The following CTNNBL1 variants were observed in gnomAD, a reference collection of about 807,000 sequenced individuals.
The protein encoded by CTNNBL1 is catenin beta like 1.
CTNNBL1 carries 31 observed loss-of-function variants against 72.7 expected under a neutral mutation model. The observed-to-expected ratio is 0.43, with a 90% CI of 0.32 to 0.58. The LOEUF (loss-of-function observed/expected upper bound fraction) is 0.58, where lower values mean the gene tolerates loss of function less well. CTNNBL1 is among the 20% of genes least tolerant of loss of function. CTNNBL1 has a pLI of 0.08. For missense variants in CTNNBL1, 534 were observed against 725.1 expected (o/e 0.74, Z 3.03); for synonymous variants, 240 against 267.3 (o/e 0.90, Z 1.00).
intron 10 of CTNNBL1, among the ~76,000 whole-genome samples, chr20:37,794,098 TA>T (rs2073748989): frequency 6.6e-6 from 1 of 152,220 alleles, no homozygotes; most frequent in African/African-American, 2.4e-5. Context: ...GTTATCTTTT[TA>T]AAAGAGATTT....
rs549458864 is a variant in CTNNBL1 at position 37,739,321 on chromosome 20, G to A, written c.326+1837G>A. 6.4e-4 allele frequency among the ~76,000 whole-genome samples: 97 copies of A among 151,892 alleles called. 2 individuals carry two copies. Among genetic ancestry groups the A allele is most frequent in the Admixed American group, 6.3e-3 (96 of 15,256 alleles). ...CATATTCTGCACCTTGATTTTTTGG[G>A]TCATCTAACAGATCTGTCCAGGTGG... On this transcript the variant is annotated intron_variant, in intron 3 of 15. Transcript: ENST00000361383.
chr20:37,793,450 C>G (rs752368319), intron 10 of CTNNBL1, among the ~76,000 whole-genome samples: 1 of 152,216 alleles, frequency 6.6e-6, no homozygotes, highest in Non-Finnish European at 1.5e-5. Context: ...CTACAACTTT[C>G]TCTTAATTAG....
chr20:37,730,370 CAT>C (rs2073118829), intron 1 of CTNNBL1, among the ~76,000 whole-genome samples: 1 of 152,164 alleles, frequency 6.6e-6, no homozygotes, highest in South Asian at 2.1e-4. Context: ...AAGACAGAAT[CAT>C]GTGGATTACC....
chr20:37,791,154 T>C (rs748855592), intron 10 of CTNNBL1, among the ~76,000 whole-genome samples: 2 of 152,228 alleles, frequency 1.3e-5, no homozygotes, highest in Non-Finnish European at 2.9e-5. Context: ...GTTTATTCAC[T>C]TGTTGAAGGA....
intron 13 of CTNNBL1, among the ~76,000 whole-genome samples, chr20:37,856,179 G>T (rs191450117): frequency 2.2e-5 from 3 of 136,334 alleles, no homozygotes; most frequent in African/African-American, 8.3e-5. Flanking sequence ...CAGCCTGGGT[G>T]ACAAGAGCAA....
In CTNNBL1 at chr20:37,868,280, G is replaced by T. The variant is rs189376542; in HGVS notation, c.1604-3645G>T. Among the ~76,000 whole-genome samples, 368 of 103,072 alleles carry T rather than the reference G, an allele frequency of 3.6e-3. 3 individuals are homozygous for T. Among genetic ancestry groups the T allele is most frequent in the African/African-American group, 0.013 (350 of 27,712 alleles). 67.6% of individuals were successfully genotyped at this position (103,072 alleles called of 152,430 possible). A position where few individuals can be genotyped will look rare whatever the true frequency, so the allele number is the denominator to read the frequency against. On this transcript the variant is annotated intron_variant, in intron 15 of 15. Coordinates refer to ENST00000361383, the MANE Select transcript of CTNNBL1 (RefSeq NM_030877.5). ...TGTGAGGACCGGCCCCCTCCCAGTGGTTTTTTAGGGGCCTTTTTTTTTTTT... is the reference window on the plus strand; with the variant it reads ...TGTGAGGACCGGCCCCCTCCCAGTGTTTTTTTAGGGGCCTTTTTTTTTTTT...
At chr20:37,793,131 G>A (rs534227797) in intron 10 of CTNNBL1, among the ~76,000 whole-genome samples, 2 of 152,312 alleles carry the variant, frequency 1.3e-5, no homozygotes, top group South Asian at 4.1e-4. Context: ...CTTTATAAAT[G>A]TCAAATAGGT....
intron 7 of CTNNBL1, among the ~76,000 whole-genome samples, chr20:37,772,192 A>G (rs2073531152): frequency 6.6e-6 from 1 of 152,150 alleles, no homozygotes; most frequent in South Asian, 2.1e-4. Flanking sequence ...TGTCTCTGTC[A>G]TATCTGTACC....
At chr20:37,811,285 C>G (rs2072010420) in intron 11 of CTNNBL1, among the ~76,000 whole-genome samples, 1 of 152,148 alleles carries the variant, frequency 6.6e-6, no homozygotes, top group African/African-American at 2.4e-5. Context: ...CCCCTGTGCC[C>G]ATATTTGTAT....
chr20:37,829,891 G>A (rs781367614), intron 11 of CTNNBL1, among the ~76,000 whole-genome samples: 5 of 152,192 alleles, frequency 3.3e-5, no homozygotes, highest in Non-Finnish European at 5.9e-5. Context: ...GAGTGCAGTA[G>A]TGCGATCATG....
At chr20:37,778,715 G>A (rs981451516) in intron 9 of CTNNBL1, among the ~76,000 whole-genome samples, 64 of 152,174 alleles carry the variant, frequency 4.2e-4, no homozygotes, top group African/African-American at 1.4e-3. Flanking sequence ...CTGGATTGTG[G>A]TTGCTTTTAG....
At chr20:37,835,711 C>G (rs1348064536) in intron 11 of CTNNBL1, among the ~76,000 whole-genome samples, 1 of 152,174 alleles carries the variant, frequency 6.6e-6, no homozygotes, top group Non-Finnish European at 1.5e-5. Context: ...TGCAGCATTG[C>G]TTCTAATAGC....
At chr20:37,744,936 A>G (rs2073249453) in intron 3 of CTNNBL1, among the ~76,000 whole-genome samples, 1 of 152,204 alleles carries the variant, frequency 6.6e-6, no homozygotes, top group Non-Finnish European at 1.5e-5. Flanking sequence ...TCTTTGCCTT[A>G]TATCATACAC....
intron 15 of CTNNBL1, among the ~76,000 whole-genome samples, chr20:37,870,035 C>T (rs2072569661): frequency 6.6e-6 from 1 of 151,344 alleles, no homozygotes; most frequent in Admixed American, 6.6e-5. Context: ...AACAGGGTGA[C>T]CATGTTATTT....
chr20:37,703,664 C>T (rs945319169), intron 1 of CTNNBL1, among the ~76,000 whole-genome samples: 1 of 152,226 alleles, frequency 6.6e-6, no homozygotes, highest in African/African-American at 2.4e-5. Context: ...CCTCCCCTGC[C>T]TATCCCCATG....
rs144509205 is a variant in CTNNBL1, at chr20:37,748,843, G to T, written c.466+2236G>T. 1.5e-3 allele frequency among the ~76,000 whole-genome samples: 227 copies of T among 152,306 alleles called. 1 individual carries two copies. The highest frequency in any genetic ancestry group is 6.8e-3 in the Middle Eastern group (2 of 294). On this transcript the variant is annotated intron_variant, in intron 4 of 15. Coordinates refer to ENST00000361383, the MANE Select transcript of CTNNBL1 (RefSeq NM_030877.5). Reference sequence around the variant, plus strand: ...CACCTCCAAGTACCATCACATTGGGGATAGGCTTCAACATATGAATCTGTG... The same window carrying T: ...CACCTCCAAGTACCATCACATTGGGTATAGGCTTCAACATATGAATCTGTG...
At chr20:37,696,045 G>A (rs2072788249) in intron 1 of CTNNBL1, among the ~76,000 whole-genome samples, 1 of 152,220 alleles carries the variant, frequency 6.6e-6, no homozygotes, top group African/African-American at 2.4e-5. Context: ...GTGATTGTAT[G>A]CCGGCTTGGA....
chr20:37,745,937 A>G (rs1266458999), intron 3 of CTNNBL1, among the ~76,000 whole-genome samples: 1 of 152,206 alleles, frequency 6.6e-6, no homozygotes, highest in Non-Finnish European at 1.5e-5. Context: ...AGGATGCCAG[A>G]GACTAGGTCT....
intron 10 of CTNNBL1, among the ~76,000 whole-genome samples, chr20:37,798,033 TTG>T (rs2073793777): frequency 6.6e-6 from 1 of 152,158 alleles, no homozygotes. Flanking sequence ...TCACTCTGCT[TTG>T]TATATACCTC....
Sources: gnomAD v4.1 joint callset for allele counts (sites outside exome capture counted in the v4.1 genomes callset) on GRCh38, gnomAD v4.1.1 for gene constraint, MANE v1.5 for transcripts, NCBI Gene and HGNC (gene_info 2026-07-23, HGNC 2026-07-21) for gene names.